TNIK: variants seen among roughly 807,000 people sequenced by gnomAD.
TNIK encodes TRAF2 and NCK-interacting protein kinase.
A neutral mutation model predicts 191.3 loss-of-function variants in TNIK; 49 were observed. The observed-to-expected ratio is 0.26, with a 90% CI of 0.20 to 0.32. The LOEUF (loss-of-function observed/expected upper bound fraction) is 0.32. Ranked by LOEUF, TNIK falls within the 10% of genes least tolerant of loss-of-function variation. TNIK has a pLI of 1.00. For synonymous variants in TNIK, 594 were observed against 600.9 expected (o/e 0.99, Z 0.17); for missense variants, 1,155 against 1,702.3 (o/e 0.68, Z 5.66).
rs796375848 is a variant in TNIK, at chr3:171,323,446, G to A, written c.123+46174C>T. Among the ~76,000 whole-genome samples the A allele has an allele frequency of 8.5e-5, 13 of 152,250 alleles. No homozygotes were observed. In the East Asian group the frequency reaches 9.7e-4, roughly 11 times the overall value. On this transcript the variant is annotated intron_variant, in intron 2 of 32. Transcript: ENST00000436636. ...ATAAGAGTGATTTGTGGATTACACCGCATGGATTACGTTGCCCTAGAATCT... is the reference window on the plus strand; with the variant it reads ...ATAAGAGTGATTTGTGGATTACACCACATGGATTACGTTGCCCTAGAATCT...
At chr3:171,350,805 G>A (rs1713041766) in intron 2 of TNIK, among the ~76,000 whole-genome samples, 1 of 152,022 alleles carries the variant, frequency 6.6e-6, no homozygotes, top group Non-Finnish European at 1.5e-5. Flanking sequence ...GAAAACCAAA[G>A]CACAAAGAGG....
At chr3:171,458,428 C>G (rs1729026500) in intron 1 of TNIK, among the ~76,000 whole-genome samples, 1 of 152,272 alleles carries the variant, frequency 6.6e-6, no homozygotes, top group East Asian at 1.9e-4. Context: ...CTTTGGCTGC[C>G]CAACTATCAG....
chr3:171,406,172 A>C (rs1553771143), intron 1 of TNIK, among the ~76,000 whole-genome samples: 2 of 149,358 alleles, frequency 1.3e-5, no homozygotes, highest in African/African-American at 2.5e-5. Context: ...GAAAAAAAAA[A>C]CCAGAGCACC....
intron 27 of TNIK, among the ~76,000 whole-genome samples, chr3:171,081,135 C>A (rs6781167): frequency 0.21 from 31,536 of 151,964 alleles, 5,609 homozygotes; most frequent in African/African-American, 0.49. Flanking sequence ...GCAATCAGGA[C>A]AGCAATTAAC....
intron 2 of TNIK, among the ~76,000 whole-genome samples, chr3:171,353,204 G>A (rs1471558508): frequency 6.6e-6 from 1 of 152,186 alleles, no homozygotes; most frequent in Non-Finnish European, 1.5e-5. Flanking sequence ...TTAAAGGTTA[G>A]ATGACTGAAC....
intron 12 of TNIK, among the ~76,000 whole-genome samples, chr3:171,145,765 G>C (rs753057474): frequency 6.7e-6 from 1 of 150,278 alleles, no homozygotes; most frequent in Non-Finnish European, 1.5e-5. Context: ...CAAGGGCTGT[G>C]GAGTCAGTCT....
At chr3:171,163,198 A>G (rs1734224577) in intron 10 of TNIK, among the ~76,000 whole-genome samples, 1 of 152,218 alleles carries the variant, frequency 6.6e-6, no homozygotes, top group East Asian at 1.9e-4. Context: ...GAAATGGCTC[A>G]CTGATTCTTA....
chr3:171,194,442 C>A (rs1738416774), intron 5 of TNIK, 83 bp downstream of exon 5: 1 of 1,231,268 alleles, frequency 8.1e-7, no homozygotes, highest in Non-Finnish European at 1.2e-6. Context: ...ACTAGAAAGT[C>A]AGAAAAAAAT....
chr3:171,216,960 C>A (rs1741527536), intron 3 of TNIK, among the ~76,000 whole-genome samples: 1 of 152,056 alleles, frequency 6.6e-6, no homozygotes, highest in Non-Finnish European at 1.5e-5. Context: ...ATTCTGCAGG[C>A]AGCACCTGGA....
intron 2 of TNIK, among the ~76,000 whole-genome samples, chr3:171,335,974 C>T (rs940482610): frequency 4.6e-5 from 7 of 151,966 alleles, no homozygotes; most frequent in African/African-American, 1.2e-4. Flanking sequence ...TCATACAGTG[C>T]GTAGTGTATC....
At chr3:171,323,606 C>G (rs1046032141) in intron 2 of TNIK, among the ~76,000 whole-genome samples, 2 of 152,104 alleles carry the variant, frequency 1.3e-5, no homozygotes, top group African/African-American at 2.4e-5. Context: ...TACAATTTCG[C>G]GAACCTATGA....
At chr3:171,425,540 G>A (rs1724438304) in intron 1 of TNIK, among the ~76,000 whole-genome samples, 1 of 152,044 alleles carries the variant, frequency 6.6e-6, no homozygotes, top group African/African-American at 2.4e-5. Context: ...CAAAAAAAGG[G>A]AAGAGCTGGG....
chr3:171,161,192 A>T (rs1357554571), intron 11 of TNIK, 78 bp downstream of exon 11: 4 of 1,484,248 alleles, frequency 2.7e-6, no homozygotes, highest in Non-Finnish European at 3.7e-6. Context: ...ACGAACCTAT[A>T]AATCAAAAGG....
At chr3:171,132,435 G>T (rs1397239447) in intron 15 of TNIK, among the ~76,000 whole-genome samples, 1 of 152,138 alleles carries the variant, frequency 6.6e-6, no homozygotes, top group African/African-American at 2.4e-5. Context: ...ATAAAATTCT[G>T]CTCTAGACAG....
chr3:171,439,341 C>T (rs1208146096), intron 1 of TNIK, among the ~76,000 whole-genome samples: 3 of 143,122 alleles, frequency 2.1e-5, no homozygotes, highest in African/African-American at 8.3e-5. Context: ...AAGACTCTGT[C>T]TCAAAAAAAA....
chr3:171,446,503 T>A (rs1007270674), intron 1 of TNIK, among the ~76,000 whole-genome samples: 1 of 152,190 alleles, frequency 6.6e-6, no homozygotes, highest in African/African-American at 2.4e-5. Flanking sequence ...TCAAGAAAAT[T>A]GCCCTCTGCA....
intron 2 of TNIK, among the ~76,000 whole-genome samples, chr3:171,311,062 T>C (rs7638640): frequency 0.39 from 58,797 of 151,832 alleles, 11,750 homozygotes; most frequent in Non-Finnish European, 0.42. Flanking sequence ...TCTGGTGGGA[T>C]GGTGAGAATG....
intron 22 of TNIK, among the ~76,000 whole-genome samples, chr3:171,096,206 A>G (rs1472786159): frequency 6.6e-6 from 1 of 152,066 alleles, no homozygotes; most frequent in Admixed American, 6.5e-5. Context: ...TGATGCTTGT[A>G]CAATCAAGTT....
rs138761551 is a variant in TNIK, at chr3:171,446,179, G to A, written c.57+13828C>T. ...TACTTTTCTCATGACCCTGTCCTGA[G>A]TTTAAGTGCATTTGTATCCAGATTA... On this transcript the variant is annotated intron_variant, in intron 1 of 32. Coordinates refer to ENST00000436636, the MANE Select transcript of TNIK (RefSeq NM_015028.4). 1.4e-3 allele frequency among the ~76,000 whole-genome samples: 207 copies of A among 152,338 alleles called. 1 individual carries two copies. The highest frequency in any genetic ancestry group is 6.8e-3 in the Middle Eastern group (2 of 294).
Sources: gnomAD v4.1 joint callset for allele counts (sites outside exome capture counted in the v4.1 genomes callset) on GRCh38, gnomAD v4.1.1 for gene constraint, MANE v1.5 for transcripts, NCBI Gene and HGNC (gene_info 2026-07-23, HGNC 2026-07-21) for gene names.